The following CDC20B variants were observed in gnomAD, a reference collection of about 807,000 sequenced individuals.
CDC20B encodes cell division cycle protein 20 homolog B.
In CDC20B, 58 loss-of-function variants were observed where a neutral mutation model predicts 64.1. The observed-to-expected ratio is 0.90, with a 90% CI of 0.73 to 1.13. CDC20B has a LOEUF of 1.13. CDC20B is among the 50% of genes most tolerant of loss of function. CDC20B has a pLI of 0.00. For synonymous variants in CDC20B, 243 were observed against 230.6 expected, an observed-to-expected ratio of 1.05 and a Z score of -0.49; for missense variants, 597 against 633.0, an observed-to-expected ratio of 0.94 and a Z score of 0.61.
intron 2 of CDC20B, among the ~76,000 whole-genome samples, chr5:55,163,093 A>G (rs1160587331): frequency 2.0e-5 from 3 of 152,228 alleles, no homozygotes; most frequent in Non-Finnish European, 4.4e-5. Context: ...AATCTGGCAC[A>G]TAGTAAGCAC....
chr5:55,147,080 A>G (rs940253170), intron 2 of CDC20B, among the ~76,000 whole-genome samples: 13 of 146,736 alleles, frequency 8.9e-5, no homozygotes, highest in Non-Finnish European at 3.0e-5. Context: ...CATATTATAT[A>G]AACATAAATA....
intron 2 of CDC20B, among the ~76,000 whole-genome samples, chr5:55,161,992 C>T (rs1404937561): frequency 6.7e-6 from 1 of 150,370 alleles, no homozygotes; most frequent in African/African-American, 2.5e-5. Flanking sequence ...ATAGTACCGC[C>T]TTCTTAAGAT....
chr5:55,119,965 T>G (rs780572610), intron 10 of CDC20B, 47 bp from the exon 11 acceptor site: 1 of 1,370,732 alleles, frequency 7.3e-7, no homozygotes, highest in Non-Finnish European at 1.0e-6. Flanking sequence ...TTCTGATTCC[T>G]TATGAATATA....
At chr5:55,128,398 G>GAAA in intron 7 of CDC20B, 23 bp downstream of exon 7, 16 of 1,263,052 alleles carry the variant, frequency 1.3e-5, no homozygotes, top group Admixed American at 1.1e-4. Flanking sequence ...AACATGATGA[G>GAAA]AAAAAAAAAA....
chr5:55,164,430 G>A, intron 2 of CDC20B: 1 of 332,610 alleles, frequency 3.0e-6, no homozygotes, highest in Non-Finnish European at 5.4e-6. Flanking sequence ...TTGCTATTAA[G>A]TGGTAATGAA....
chr5:55,146,541 CCTT>C, intron 3 of CDC20B, 84 bp downstream of exon 3: 2 of 907,974 alleles, frequency 2.2e-6, no homozygotes, highest in Non-Finnish European at 3.5e-6. Flanking sequence ...AAGTGACACT[CCTT>C]AGTTCTACAA....
chr5:55,156,730 C>T (rs183243812), intron 2 of CDC20B, among the ~76,000 whole-genome samples: 41 of 152,078 alleles, frequency 2.7e-4, no homozygotes, highest in Admixed American at 1.4e-3. Flanking sequence ...AAAAATTAGC[C>T]GGGCATTTTG....
intron 8 of CDC20B, among the ~76,000 whole-genome samples, chr5:55,125,620 T>C (rs1742866829): frequency 1.3e-5 from 2 of 152,248 alleles, no homozygotes; most frequent in South Asian, 2.1e-4. Context: ...TCTCCATTCA[T>C]GCTCAGTGAT....
intron 4 of CDC20B, among the ~76,000 whole-genome samples, chr5:55,141,606 C>T (rs1172149257): frequency 5.3e-5 from 8 of 152,226 alleles, no homozygotes; most frequent in Non-Finnish European, 1.2e-4. Flanking sequence ...TTGACCAAAG[C>T]ACAGCCATGT....
At chr5:55,170,494 C>T (rs769774540) in intron 2 of CDC20B, 3 of 532,260 alleles carry the variant, frequency 5.6e-6, no homozygotes, top group Non-Finnish European at 7.7e-6. Context: ...CACATAAACA[C>T]ACACTAATTA....
In CDC20B at chr5:55,124,953, C is replaced by A. The variant is rs764455563; in HGVS notation, c.1065G>T (p.Lys355Asn). The A allele has an allele frequency of 6.2e-7, 1 of 1,614,064 alleles. No homozygotes were observed. Among genetic ancestry groups the A allele is most frequent in the African/African-American group, 1.3e-5 (1 of 74,920 alleles). ...AQHHVGTLRHKQAVCALKWSP... is the reference protein window; with the variant it reads ...AQHHVGTLRHNQAVCALKWSP... ...ACCACTTCAGAGCACACACAGCTTG[C>A]TTGTGGCGAAGTGTTCCAACATGAT... Residue 355 changes from lysine to asparagine, a missense_variant, in exon 9 of 12, where the codon AAG (lysine) becomes AAT (asparagine). This residue lies in a region of CDC20B where 353 missense variants were observed against 397.0 expected (regional missense o/e 0.89). Transcript: ENST00000381375.
chr5:55,157,887 C>G (rs1173225906), intron 2 of CDC20B, among the ~76,000 whole-genome samples: 3 of 152,182 alleles, frequency 2.0e-5, no homozygotes, highest in African/African-American at 4.8e-5. Context: ...GTTATAATGA[C>G]TTGGGTTTAC....
intron 9 of CDC20B, among the ~76,000 whole-genome samples, chr5:55,123,795 C>A (rs2111809750): frequency 6.6e-6 from 1 of 152,190 alleles, no homozygotes; most frequent in Non-Finnish European, 1.5e-5. Flanking sequence ...TATATTTTGC[C>A]TACTTCAAGT....
intron 2 of CDC20B, among the ~76,000 whole-genome samples, chr5:55,155,238 A>C (rs1734206959): frequency 6.6e-6 from 1 of 152,236 alleles, no homozygotes; most frequent in Non-Finnish European, 1.5e-5. Flanking sequence ...ATAATTAGAA[A>C]AGGACCCAGA....
At chr5:55,170,603 T>G (rs779429211) in intron 2 of CDC20B, 1 of 534,806 alleles carries the variant, frequency 1.9e-6, no homozygotes, top group South Asian at 1.4e-5. Flanking sequence ...AACAATACAC[T>G]GCCAGCTCAT....
chr5:55,153,060 G>A (rs536141501), intron 2 of CDC20B, among the ~76,000 whole-genome samples: 26 of 151,900 alleles, frequency 1.7e-4, no homozygotes, highest in African/African-American at 4.3e-4. Flanking sequence ...ACAATGTGGC[G>A]AAACCCCATC....
intron 8 of CDC20B, among the ~76,000 whole-genome samples, chr5:55,125,800 G>A (rs1004658238): frequency 6.6e-6 from 1 of 152,230 alleles, no homozygotes; most frequent in African/African-American, 2.4e-5. Flanking sequence ...GAACAGCATT[G>A]TGATTAACAA....
rs1580354250 is a variant in CDC20B, at chr5:55,146,742, G to C, written c.241C>G (p.Gln81Glu). Reference protein sequence around the residue: ...SPITTRWQQSQTRALSSDSFG... With the variant: ...SPITTRWQQSETRALSSDSFG... The stretch of plus-strand genomic sequence containing the variant: ...GAATCAGAGGACAGAGCCCTAGTTT[G>C]ACTTTGCTGCCACCTTGTGGTAATG... The change falls in exon 3 of 12, where the codon CAA (glutamine) becomes GAA (glutamate). Residue 81 changes from glutamine (Q) to glutamate (E), a missense_variant. By Grantham distance (29) the Gln-to-Glu change is conservative. This residue lies in a region of CDC20B where 241 missense variants were observed against 219.2 expected (regional missense o/e 1.10). Coordinates refer to ENST00000381375, the MANE Select transcript of CDC20B (RefSeq NM_001170402.1). 1.9e-6 allele frequency: 3 copies of C among 1,614,106 alleles called. No individual in the cohort carries two copies. Among genetic ancestry groups the C allele is most frequent in the South Asian group, 1.1e-5 (1 of 91,078 alleles).
chr5:55,132,945 C>T (rs1435319174), intron 6 of CDC20B, among the ~76,000 whole-genome samples: 3 of 152,230 alleles, frequency 2.0e-5, no homozygotes, highest in South Asian at 2.1e-4. Context: ...TGGACAACAC[C>T]GAAGCTCACT....
Sources: gnomAD v4.1 joint callset for allele counts (sites outside exome capture counted in the v4.1 genomes callset) on GRCh38, gnomAD v4.1.1 for gene constraint, gnomAD v4.1.1 regional missense constraint, MANE v1.5 for transcripts, NCBI Gene and HGNC (gene_info 2026-07-23, HGNC 2026-07-21) for gene names.